The following PRKCA variants were observed in gnomAD, a reference collection of about 807,000 sequenced individuals.
PRKCA encodes the protein protein kinase C alpha, also known as protein kinase C alpha type.
A neutral mutation model predicts 87.0 loss-of-function variants in PRKCA; 27 were observed. The ratio of observed to expected loss-of-function variants is 0.31; its 90% confidence interval spans 0.23 to 0.43. PRKCA has a LOEUF of 0.43. Ranked by LOEUF, PRKCA falls within the 20% of genes least tolerant of loss-of-function variation. PRKCA has a pLI of 1.00. For missense variants in PRKCA, 518 were observed against 852.3 expected, an observed-to-expected ratio of 0.61 and a Z score of 4.88; for synonymous variants, 329 against 311.1, an observed-to-expected ratio of 1.06 and a Z score of -0.61.
chr17:66,753,061 C>T (rs1974472605), intron 13 of PRKCA, among the ~76,000 whole-genome samples: 1 of 152,098 alleles, frequency 6.6e-6, no homozygotes, highest in Non-Finnish European at 1.5e-5. Context: ...CTGTTCTTGC[C>T]AAAATCATTT....
At chr17:66,546,424 G>A (rs1412951051) in intron 3 of PRKCA, among the ~76,000 whole-genome samples, 1 of 152,172 alleles carries the variant, frequency 6.6e-6, no homozygotes, top group Non-Finnish European at 1.5e-5. Flanking sequence ...CCACAATTAA[G>A]GCCTTGGCAG....
At chr17:66,423,586 C>A (rs935733394) in intron 2 of PRKCA, among the ~76,000 whole-genome samples, 1 of 152,216 alleles carries the variant, frequency 6.6e-6, no homozygotes, top group Non-Finnish European at 1.5e-5. Flanking sequence ...ATCTGACAGT[C>A]CTGGTCACTG....
At chr17:66,703,407 A>C (rs1424642961) in intron 8 of PRKCA, 2 of 152,150 alleles carry the variant, frequency 1.3e-5, no homozygotes, top group African/African-American at 4.8e-5. Context: ...ATACACATGG[A>C]GCTGTCATCA....
chr17:66,545,157 A>G (rs1276655482), intron 3 of PRKCA, among the ~76,000 whole-genome samples: 4 of 152,160 alleles, frequency 2.6e-5, no homozygotes, highest in Non-Finnish European at 5.9e-5. Flanking sequence ...GGCTGGGCGC[A>G]GTGAATCACG....
At chr17:66,521,969 A>G (rs944414234) in intron 3 of PRKCA, among the ~76,000 whole-genome samples, 1 of 152,250 alleles carries the variant, frequency 6.6e-6, no homozygotes, top group Non-Finnish European at 1.5e-5. Flanking sequence ...TTGAGGAATG[A>G]ACTTAAATTT....
intron 2 of PRKCA, among the ~76,000 whole-genome samples, chr17:66,349,613 TAGACTCTGGC>T (rs368218683): frequency 9.8e-5 from 15 of 152,312 alleles, no homozygotes; most frequent in African/African-American, 3.6e-4. Flanking sequence ...GCCCATGCGG[TAGACTCTGGC>T]AGGACAGAGA....
chr17:66,720,566 G>A (rs1159175897), intron 8 of PRKCA, among the ~76,000 whole-genome samples: 6 of 152,182 alleles, frequency 3.9e-5, no homozygotes, highest in Non-Finnish European at 5.9e-5. Context: ...GTGGGTGCAG[G>A]TAAAGGCATT....
intron 3 of PRKCA, among the ~76,000 whole-genome samples, chr17:66,591,178 G>A (rs1323187620): frequency 6.6e-6 from 1 of 152,238 alleles, no homozygotes; most frequent in Non-Finnish European, 1.5e-5. Context: ...TTAAAGACAG[G>A]GTCTTGCCCT....
chr17:66,629,996 G>A (rs1407606509), intron 3 of PRKCA, among the ~76,000 whole-genome samples: 1 of 152,110 alleles, frequency 6.6e-6, no homozygotes, highest in African/African-American at 2.4e-5. Flanking sequence ...AAAGGTCCAT[G>A]GGAACTCTCT....
rs1165842395 is a variant in PRKCA, at chr17:66,377,589, A to G, written c.205+71462A>G. Reference sequence around the variant, plus strand: ...CATATATAATATCTATATTACATATATGTCTATATTTTATATATATAATGT... The same window carrying G: ...CATATATAATATCTATATTACATATGTGTCTATATTTTATATATATAATGT... On this transcript the variant is annotated intron_variant, in intron 2 of 16. Coordinates refer to ENST00000413366, the MANE Select transcript of PRKCA (RefSeq NM_002737.3). Among the ~76,000 whole-genome samples the G allele has an allele frequency of 3.4e-5, 5 of 146,470 alleles. No homozygotes were observed. The East Asian group carries it at 5.9e-4, about 17-fold the overall frequency.
intron 2 of PRKCA, among the ~76,000 whole-genome samples, chr17:66,443,796 T>G (rs1913894517): frequency 6.6e-6 from 1 of 152,102 alleles, no homozygotes. Flanking sequence ...CACCCACACC[T>G]AATGAAAAAG....
chr17:66,794,198 G>A (rs952344365), intron 16 of PRKCA, among the ~76,000 whole-genome samples: 1 of 152,112 alleles, frequency 6.6e-6, no homozygotes, highest in Non-Finnish European at 1.5e-5. Flanking sequence ...TTTCACAGAT[G>A]GCCATTTTTT....
At chr17:66,693,401 G>A (rs1178193207) in intron 8 of PRKCA, among the ~76,000 whole-genome samples, 1 of 152,216 alleles carries the variant, frequency 6.6e-6, no homozygotes, top group Admixed American at 6.5e-5. Flanking sequence ...GTTAAAAAAA[G>A]TAAGGTGCCA....
chr17:66,519,639 G>A (rs1175289440), intron 3 of PRKCA, among the ~76,000 whole-genome samples: 1 of 152,184 alleles, frequency 6.6e-6, no homozygotes, highest in Non-Finnish European at 1.5e-5. Context: ...CTGGTGCTTG[G>A]TAAGCACTAA....
chr17:66,552,034 A>T (rs1328490976), intron 3 of PRKCA, among the ~76,000 whole-genome samples: 1 of 152,212 alleles, frequency 6.6e-6, no homozygotes, highest in African/African-American at 2.4e-5. Context: ...ACAATGACTC[A>T]TGCCCGTAAT....
chr17:66,383,368 C>T (rs1023748804), intron 2 of PRKCA, among the ~76,000 whole-genome samples: 7 of 151,462 alleles, frequency 4.6e-5, no homozygotes, highest in South Asian at 4.2e-4. Context: ...TTTTTGCCTG[C>T]ATAAAGCATA....
intron 8 of PRKCA, among the ~76,000 whole-genome samples, chr17:66,714,682 G>A (rs1203690607): frequency 6.6e-6 from 1 of 152,234 alleles, no homozygotes; most frequent in Non-Finnish European, 1.5e-5. Flanking sequence ...AGGCTCCCAA[G>A]CCTGCAGGAC....
intron 8 of PRKCA, among the ~76,000 whole-genome samples, chr17:66,720,128 G>C (rs1456256292): frequency 6.6e-6 from 1 of 152,218 alleles, no homozygotes; most frequent in African/African-American, 2.4e-5. Flanking sequence ...TGAGAAGAGA[G>C]GGAGGGAGTA....
chr17:66,543,360 A>G (rs780607966), intron 3 of PRKCA, among the ~76,000 whole-genome samples: 2 of 152,138 alleles, frequency 1.3e-5, no homozygotes, highest in Non-Finnish European at 2.9e-5. Flanking sequence ...TAGTCATTTT[A>G]TTATTTATAT....
Sources: gnomAD v4.1 joint callset for allele counts (sites outside exome capture counted in the v4.1 genomes callset) on GRCh38, gnomAD v4.1.1 for gene constraint, MANE v1.5 for transcripts, NCBI Gene and HGNC (gene_info 2026-07-23, HGNC 2026-07-21) for gene names.